MYT1L: variants seen among roughly 807,000 people sequenced by gnomAD.
MYT1L encodes myelin transcription factor 1 like.
MYT1L carries 12 observed loss-of-function variants against 126.7 expected under a neutral mutation model. The ratio of observed to expected loss-of-function variants is 0.09; its 90% CI spans 0.06 to 0.15. MYT1L has a LOEUF of 0.15. MYT1L is among the 10% of genes least tolerant of loss of function. MYT1L has a pLI of 1.00. For missense variants in MYT1L, 979 were observed against 1,585.2 expected (o/e 0.62, Z 6.49); for synonymous variants, 541 against 604.2 (o/e 0.90, Z 1.53).
chr2:2,037,842 C>A (rs2067056985), intron 4 of MYT1L, among the ~76,000 whole-genome samples: 1 of 151,682 alleles, frequency 6.6e-6, no homozygotes, highest in Non-Finnish European at 1.5e-5. Context: ...ACTATATATT[C>A]AAAACTACAG....
intron 1 of MYT1L, among the ~76,000 whole-genome samples, chr2:2,322,570 C>CA (rs2096186591): frequency 1.3e-5 from 2 of 150,422 alleles, no homozygotes; most frequent in Admixed American, 1.3e-4. Context: ...GAAGTGGAGA[C>CA]TAATATGACA....
intron 3 of MYT1L, among the ~76,000 whole-genome samples, chr2:2,147,164 T>A (rs1359446229): frequency 6.6e-6 from 1 of 152,212 alleles, no homozygotes; most frequent in Non-Finnish European, 1.5e-5. Context: ...AGACTAGCAC[T>A]CCATGACCAA....
At chr2:2,116,497 C>T (rs944270073) in intron 3 of MYT1L, among the ~76,000 whole-genome samples, 3 of 152,144 alleles carry the variant, frequency 2.0e-5, no homozygotes, top group African/African-American at 7.2e-5. Context: ...CCACATTTAG[C>T]TTATCTACAC....
At chr2:2,219,304 G>A (rs1302445277) in intron 2 of MYT1L, among the ~76,000 whole-genome samples, 1 of 152,184 alleles carries the variant, frequency 6.6e-6, no homozygotes, top group Admixed American at 6.5e-5. Context: ...CACAACTGCA[G>A]ACTGAGAGGG....
intron 2 of MYT1L, among the ~76,000 whole-genome samples, chr2:2,185,602 G>A (rs899517541): frequency 1.4e-5 from 2 of 143,918 alleles, no homozygotes; most frequent in African/African-American, 5.3e-5. Context: ...GGCCTTCCGG[G>A]CCTTCCCGAG....
In MYT1L at chr2:1,889,318, C is replaced by A. The variant is rs773930139; in HGVS notation, c.2443G>T (p.Asp815Tyr). The A allele has an allele frequency of 6.2e-7, 1 of 1,613,666 alleles. No individual in the cohort carries two copies. Among genetic ancestry groups the A allele is most frequent in the Non-Finnish European group, 8.5e-7 (1 of 1,179,882 alleles). Residue 815 changes from aspartate to tyrosine, a missense_variant, in exon 16 of 25, where the codon GAC becomes TAC. Around this residue, in one of 12 missense-constraint regions of MYT1L, gnomAD observed 141 missense variants for 170.6 expected, o/e 0.83. Coordinates refer to ENST00000647738, the MANE Select transcript of MYT1L (RefSeq NM_001303052.2). The surrounding 1 kb of genome is among the most constrained non-coding windows in gnomAD (Gnocchi z 4.1). ...TAGTCTACGGGCAAGTCCCAGCAGT[C>A]GCCCTCGCCCAGCTGGAAACACCGG... ...NNRCFQLGEGDCWDLPVDYTK... is the reference protein window; with the variant it reads ...NNRCFQLGEGYCWDLPVDYTK...
intron 3 of MYT1L, among the ~76,000 whole-genome samples, chr2:2,133,886 A>G (rs916795451): frequency 6.6e-6 from 1 of 152,206 alleles, no homozygotes; most frequent in African/African-American, 2.4e-5. Context: ...AGATGCTTTA[A>G]GAGAAAAAAA....
At chr2:1,842,867 GCTTCCGCTT>G (rs2041949770) in intron 19 of MYT1L, 1 of 134,516 alleles carries the variant, frequency 7.4e-6, no homozygotes, top group African/African-American at 2.8e-5. Flanking sequence ...CGTCTGTCCA[GCTTCCGCTT>G]CCAGGCGCTT....
chr2:1,844,805 CCCT>C (rs1275640564), intron 19 of MYT1L, among the ~76,000 whole-genome samples: 2 of 152,138 alleles, frequency 1.3e-5, no homozygotes, highest in Non-Finnish European at 1.5e-5. Flanking sequence ...AAGTCGCTCC[CCCT>C]CGTCTTCTCC....
chr2:1,985,046 G>C (rs1469561959), intron 5 of MYT1L, among the ~76,000 whole-genome samples: 1 of 152,128 alleles, frequency 6.6e-6, no homozygotes, highest in Non-Finnish European at 1.5e-5. Context: ...ACAGGACATG[G>C]GGGCTTGGAC....
intron 8 of MYT1L, among the ~76,000 whole-genome samples, chr2:1,962,428 A>T (rs888191141): frequency 2.0e-5 from 3 of 152,202 alleles, no homozygotes; most frequent in African/African-American, 7.2e-5. Flanking sequence ...GGGCGTCCTA[A>T]TCTTTTTGCT....
At chr2:1,816,917 C>T (rs541372084) in intron 21 of MYT1L, 2 of 152,236 alleles carry the variant, frequency 1.3e-5, no homozygotes, top group East Asian at 1.9e-4. Flanking sequence ...CAGGGTGGAC[C>T]CCTGTTGTCG....
intron 3 of MYT1L, among the ~76,000 whole-genome samples, chr2:2,069,002 A>T (rs1370639530): frequency 6.6e-6 from 1 of 151,922 alleles, no homozygotes; most frequent in African/African-American, 2.4e-5. Flanking sequence ...GGCAGATTTA[A>T]GCCTGGGGCT....
chr2:1,863,635 G>T (rs190531809), intron 18 of MYT1L, among the ~76,000 whole-genome samples: 3 of 151,990 alleles, frequency 2.0e-5, no homozygotes, highest in East Asian at 3.9e-4. Flanking sequence ...GGCATGTCCC[G>T]CTCCAGCCCG....
chr2:2,310,822 TA>T (rs2149600379), intron 1 of MYT1L, among the ~76,000 whole-genome samples: 1 of 152,320 alleles, frequency 6.6e-6, no homozygotes, highest in Non-Finnish European at 1.5e-5. Flanking sequence ...CTCACTTTCT[TA>T]TAATCCCTAG....
At chr2:1,966,274 C>A (rs1312569215) in intron 8 of MYT1L, among the ~76,000 whole-genome samples, 2 of 152,246 alleles carry the variant, frequency 1.3e-5, no homozygotes, top group Non-Finnish European at 2.9e-5. Flanking sequence ...TTACTCACCA[C>A]TCTTTCTTCC....
At chr2:1,968,001 G>T (rs962542632) in intron 8 of MYT1L, among the ~76,000 whole-genome samples, 1 of 152,162 alleles carries the variant, frequency 6.6e-6, no homozygotes, top group Non-Finnish European at 1.5e-5. Flanking sequence ...GGAGGAGGGG[G>T]CAGAAAAGAG....
chr2:2,142,529 T>C (rs2084152833), intron 3 of MYT1L, among the ~76,000 whole-genome samples: 1 of 152,112 alleles, frequency 6.6e-6, no homozygotes, highest in Non-Finnish European at 1.5e-5. Flanking sequence ...CTGGGCTGTG[T>C]TGTACATGTT....
intron 8 of MYT1L, among the ~76,000 whole-genome samples, chr2:1,954,241 A>G (rs1273805228): frequency 6.6e-6 from 1 of 152,222 alleles, no homozygotes; most frequent in Non-Finnish European, 1.5e-5. Flanking sequence ...ACCGTGAGTC[A>G]GAAAACATAC....
Sources: gnomAD v4.1 joint callset for allele counts (sites outside exome capture counted in the v4.1 genomes callset) on GRCh38, gnomAD v4.1.1 for gene constraint, gnomAD v4.1.1 regional missense constraint, Gnocchi (gnomAD v3.1) non-coding constraint, MANE v1.5 for transcripts, NCBI Gene and HGNC (gene_info 2026-07-23, HGNC 2026-07-21) for gene names.